The following ARHGAP24 variants were observed in gnomAD, a reference collection of about 807,000 sequenced individuals.
ARHGAP24 encodes the protein rho GTPase-activating protein 24.
Under a neutral mutation model 76.4 loss-of-function variants are expected in ARHGAP24, and 50 were observed. The observed-to-expected ratio is 0.65, with a 90% CI of 0.52 to 0.83. ARHGAP24 has a LOEUF of 0.83. Ranked by LOEUF, ARHGAP24 falls within the 40% of genes least tolerant of loss-of-function variation. The pLI is 0.00. For synonymous variants in ARHGAP24, 345 were observed against 323.3 expected, an observed-to-expected ratio of 1.07 and a Z score of -0.72; for missense variants, 930 against 914.2, an observed-to-expected ratio of 1.02 and a Z score of -0.22.
At chr4:85,945,434 C>A (rs1317764051) in intron 5 of ARHGAP24, among the ~76,000 whole-genome samples, 3 of 150,782 alleles carry the variant, frequency 2.0e-5, no homozygotes, top group Non-Finnish European at 4.4e-5. Context: ...GTGTAAATAA[C>A]AAACAAATAA....
chr4:85,969,460 T>A (rs1347600), intron 5 of ARHGAP24, among the ~76,000 whole-genome samples: 6,899 of 152,058 alleles, frequency 0.045, 532 homozygotes, highest in African/African-American at 0.16. Flanking sequence ...TATATTGAAA[T>A]ATATACTTAT....
chr4:85,713,135 A>G (rs1724589771), intron 2 of ARHGAP24, among the ~76,000 whole-genome samples: 1 of 151,950 alleles, frequency 6.6e-6, no homozygotes, highest in Non-Finnish European at 1.5e-5. Context: ...CCATCTCTAC[A>G]AAAAATTTAA....
chr4:85,969,580 G>A (rs984744305), intron 5 of ARHGAP24, among the ~76,000 whole-genome samples: 1 of 152,138 alleles, frequency 6.6e-6, no homozygotes. Flanking sequence ...TTGGGTTAGA[G>A]TGGAATCAAA....
intron 3 of ARHGAP24, among the ~76,000 whole-genome samples, chr4:85,771,361 A>G (rs1727123999): frequency 6.6e-6 from 1 of 152,234 alleles, no homozygotes; most frequent in Admixed American, 6.5e-5. Context: ...AGTTGTACCA[A>G]TGTCTGAGAG....
chr4:85,949,601 T>C (rs900420360), intron 5 of ARHGAP24, among the ~76,000 whole-genome samples: 1 of 152,156 alleles, frequency 6.6e-6, no homozygotes, highest in Non-Finnish European at 1.5e-5. Context: ...CTTTACACCG[T>C]GGCTCAGTAC....
chr4:85,740,569 T>G (rs1265659056), intron 3 of ARHGAP24, among the ~76,000 whole-genome samples: 1 of 152,218 alleles, frequency 6.6e-6, no homozygotes, highest in Non-Finnish European at 1.5e-5. Flanking sequence ...CTGAATTTAA[T>G]AGTTTGTTTA....
intron 5 of ARHGAP24, among the ~76,000 whole-genome samples, chr4:85,966,739 C>G (rs1241754300): frequency 6.6e-6 from 1 of 152,074 alleles, no homozygotes; most frequent in African/African-American, 2.4e-5. Context: ...CATGTACGTT[C>G]TCCCTGGAGG....
chr4:85,528,234 A>G (rs906495470), intron 1 of ARHGAP24, among the ~76,000 whole-genome samples: 2 of 152,068 alleles, frequency 1.3e-5, no homozygotes, highest in Non-Finnish European at 2.9e-5. Context: ...TGTATTCCAC[A>G]CCACATCAGT....
chr4:85,506,849 C>G (rs1724073827), intron 1 of ARHGAP24, among the ~76,000 whole-genome samples: 1 of 152,058 alleles, frequency 6.6e-6, no homozygotes, highest in Non-Finnish European at 1.5e-5. Flanking sequence ...GAGCTGCAGA[C>G]TGGAGCTGTT....
intron 3 of ARHGAP24, among the ~76,000 whole-genome samples, chr4:85,879,769 G>T (rs948422946): frequency 7.2e-5 from 11 of 151,818 alleles, no homozygotes; most frequent in Admixed American, 1.3e-4. Context: ...TATTTAAACT[G>T]CATTTAATAC....
At chr4:85,745,639 G>A (rs1726003210) in intron 3 of ARHGAP24, among the ~76,000 whole-genome samples, 1 of 151,168 alleles carries the variant, frequency 6.6e-6, no homozygotes, top group African/African-American at 2.4e-5. Context: ...TACATCCTGT[G>A]TACCTACTTG....
intron 3 of ARHGAP24, among the ~76,000 whole-genome samples, chr4:85,898,052 T>C (rs1211326482): frequency 8.4e-6 from 1 of 119,468 alleles, no homozygotes; most frequent in South Asian, 2.4e-4. Flanking sequence ...TATATATATA[T>C]ATATATAATT....
At chr4:85,737,990 G>C (rs551652683) in intron 3 of ARHGAP24, among the ~76,000 whole-genome samples, 1 of 151,788 alleles carries the variant, frequency 6.6e-6, no homozygotes. Flanking sequence ...GTATGATCTC[G>C]GCTCACTGCA....
rs946365560 is a variant in ARHGAP24, at chr4:85,586,189, A to T, written c.180+15468A>T. 3.3e-5 allele frequency among the ~76,000 whole-genome samples: 5 copies of T among 150,994 alleles called. No homozygotes were observed. The Admixed American group carries it at 3.3e-4, about 10-fold the overall frequency. On this transcript the variant is annotated intron_variant, in intron 2 of 9. Transcript: ENST00000395184. ...GCCAATTGCTATGGTGAGGCATTAC[A>T]TCCCAGTGGAGTGGTAAGAATGGAG...
At chr4:85,589,442 G>T (rs1727995867) in intron 2 of ARHGAP24, among the ~76,000 whole-genome samples, 1 of 152,188 alleles carries the variant, frequency 6.6e-6, no homozygotes, top group Admixed American at 6.5e-5. Flanking sequence ...CCAGAGGATA[G>T]GAGATGGTAG....
intron 1 of ARHGAP24, among the ~76,000 whole-genome samples, chr4:85,541,145 T>TAATAACTTGCTCATTGGGTAAAA (rs1437526081): frequency 6.7e-5 from 2 of 29,928 alleles, no homozygotes; most frequent in African/African-American, 3.2e-4. Context: ...CCATGACCTT[T>TAATAACTTGCTCATTGGGTAAAA]TTTTTTTTTT....
chr4:85,716,623 C>T (rs1724743181), intron 2 of ARHGAP24, among the ~76,000 whole-genome samples: 1 of 152,038 alleles, frequency 6.6e-6, no homozygotes, highest in South Asian at 2.1e-4. Flanking sequence ...AAACTCAAGA[C>T]ACTTGCACCC....
chr4:85,522,937 C>T (rs1418014377), intron 1 of ARHGAP24, among the ~76,000 whole-genome samples: 1 of 152,132 alleles, frequency 6.6e-6, no homozygotes, highest in Non-Finnish European at 1.5e-5. Flanking sequence ...CTTATTCAAA[C>T]AATTCCTTTT....
chr4:85,557,046 G>A (rs1159133690), intron 1 of ARHGAP24, among the ~76,000 whole-genome samples: 13 of 152,202 alleles, frequency 8.5e-5, no homozygotes, highest in Admixed American at 8.5e-4. Context: ...ACCCTCTGGA[G>A]CCTGAGAGCA....
Sources: allele counts gnomAD v4.1 joint callset (sites outside exome capture counted in the v4.1 genomes callset), GRCh38; gene constraint gnomAD v4.1.1; transcripts MANE v1.5; gene names NCBI Gene and HGNC (gene_info 2026-07-23, HGNC 2026-07-21).